The following STXBP5 variants were observed in gnomAD, a reference collection of about 807,000 sequenced individuals.
The protein encoded by STXBP5 is syntaxin binding protein 5.
STXBP5 carries 50 observed loss-of-function variants against 152.4 expected under a neutral mutation model. The observed-to-expected ratio is 0.33, with a 90% CI of 0.26 to 0.42. The LOEUF (loss-of-function observed/expected upper bound fraction) is 0.42. STXBP5 is among the 10% of genes least tolerant of loss of function. The probability of loss-of-function intolerance (pLI) is 1.00; values close to 1 mark genes in which losing one functional copy is unlikely to be tolerated. For synonymous variants in STXBP5, 492 were observed against 494.7 expected (o/e 0.99, Z 0.07); for missense variants, 1,167 against 1,388.6 (o/e 0.84, Z 2.54).
At chr6:147,354,101 C>T (rs150195513) in intron 22 of STXBP5, among the ~76,000 whole-genome samples, 109 of 152,204 alleles carry the variant, frequency 7.2e-4, no homozygotes, top group African/African-American at 2.5e-3. Flanking sequence ...GATGATTTCA[C>T]CCACCTCTAT....
At chr6:147,272,811 A>G (rs186943868) in intron 7 of STXBP5, among the ~76,000 whole-genome samples, 59 of 152,314 alleles carry the variant, frequency 3.9e-4, no homozygotes, top group African/African-American at 1.2e-3. Context: ...TCAGATGGGT[A>G]GGAGTAATGG....
intron 2 of STXBP5, among the ~76,000 whole-genome samples, chr6:147,232,486 C>T (rs1015548141): frequency 6.6e-6 from 1 of 151,732 alleles, no homozygotes; most frequent in African/African-American, 2.4e-5. Context: ...TAATAACTTA[C>T]GAGTTTTTCT....
chr6:147,240,347 T>G (rs1437646828), intron 4 of STXBP5, among the ~76,000 whole-genome samples: 3 of 152,174 alleles, frequency 2.0e-5, no homozygotes, highest in Non-Finnish European at 4.4e-5. Flanking sequence ...CCCTCAATAG[T>G]TTTGAGAGAC....
chr6:147,339,828 G>A (rs893151035), intron 21 of STXBP5, among the ~76,000 whole-genome samples: 1 of 151,794 alleles, frequency 6.6e-6, no homozygotes, highest in Admixed American at 6.6e-5. Context: ...AATCTGTACC[G>A]CCTTTGGCAA....
chr6:147,217,650 A>T (rs1282098655), intron 2 of STXBP5, among the ~76,000 whole-genome samples: 3 of 152,200 alleles, frequency 2.0e-5, no homozygotes, highest in Non-Finnish European at 4.4e-5. Context: ...CTTACTAAAA[A>T]TAATAGTGGA....
In STXBP5 at chr6:147,355,865, A is replaced by G. The variant is rs531176601; in HGVS notation, c.2305+2492A>G. Among the ~76,000 whole-genome samples, 7 of 152,282 alleles carry G rather than the reference A, an allele frequency of 4.6e-5. No homozygotes were observed. In the East Asian group the frequency reaches 1.3e-3, roughly 29 times the overall value. On this transcript the variant is annotated intron_variant, in intron 22 of 27. Transcript: ENST00000321680. Reference sequence around the variant, plus strand: ...AATTAAACTTTTATTCCATTTATTTACTTTGCCAAACTTGTATAAATAAGC... The same window carrying G: ...AATTAAACTTTTATTCCATTTATTTGCTTTGCCAAACTTGTATAAATAAGC...
chr6:147,373,911 A>G, intron 26 of STXBP5, 69 bp downstream of exon 26: 2 of 1,015,096 alleles, frequency 2.0e-6, no homozygotes, highest in Non-Finnish European at 3.0e-6. Flanking sequence ...AAATTTTTTT[A>G]TACGTGTAAA....
At chr6:147,302,231 C>A (rs1245100193) in intron 9 of STXBP5, among the ~76,000 whole-genome samples, 2 of 141,574 alleles carry the variant, frequency 1.4e-5, no homozygotes, top group East Asian at 2.0e-4. Flanking sequence ...CAGTTCCGAA[C>A]CCTTTAGAGT....
intron 26 of STXBP5, 147 bp from the exon 27 acceptor site, chr6:147,382,631 A>C: frequency 1.3e-6 from 1 of 770,980 alleles, no homozygotes; most frequent in Non-Finnish European, 2.1e-6. Context: ...TAACAAAAGA[A>C]AGCATGTATT....
chr6:147,213,954 C>G (rs990169817), intron 2 of STXBP5, among the ~76,000 whole-genome samples: 1 of 152,068 alleles, frequency 6.6e-6, no homozygotes, highest in Admixed American at 6.6e-5. Context: ...AAAGTGATTA[C>G]TGACATGATT....
intron 21 of STXBP5, among the ~76,000 whole-genome samples, chr6:147,342,726 TG>T (rs1784148873): frequency 6.6e-6 from 1 of 152,290 alleles, no homozygotes; most frequent in African/African-American, 2.4e-5. Context: ...CAAAGCTTTT[TG>T]TTATTTTTAA....
At chr6:147,362,945 C>G (rs533179583) in intron 23 of STXBP5, among the ~76,000 whole-genome samples, 6 of 152,168 alleles carry the variant, frequency 3.9e-5, no homozygotes, top group Non-Finnish European at 8.8e-5. Context: ...CACATGTGGC[C>G]CCACACTGAC....
intron 19 of STXBP5, among the ~76,000 whole-genome samples, chr6:147,336,425 T>G (rs1171380919): frequency 1.3e-5 from 2 of 152,004 alleles, no homozygotes; most frequent in African/African-American, 2.4e-5. Context: ...CCTGTTAACA[T>G]TCTAATAGGA....
At chr6:147,368,909 T>C (rs1412095184) in intron 25 of STXBP5, among the ~76,000 whole-genome samples, 1 of 151,806 alleles carries the variant, frequency 6.6e-6, no homozygotes, top group Non-Finnish European at 1.5e-5. Context: ...ATCTCTACAC[T>C]GAAAAACTAT....
intron 25 of STXBP5, 36 bp downstream of exon 25, chr6:147,364,202 GGTAAA>G (rs1382849059): frequency 1.3e-6 from 2 of 1,582,960 alleles, no homozygotes; most frequent in Non-Finnish European, 1.7e-6. Context: ...TTTCTTCAGA[GGTAAA>G]GTATTCTCTG....
chr6:147,363,629 G>A lies in STXBP5; in HGVS notation c.2840G>A (p.Arg947His), dbSNP rs200165087. 1.5e-4 allele frequency: 246 copies of A among 1,614,116 alleles called. No individual in the cohort carries two copies. Among genetic ancestry groups the A allele is most frequent in the Non-Finnish European group, 2.0e-4 (239 of 1,180,018 alleles). Residue 947 changes from arginine (R) to histidine (H), a missense_variant, in exon 24 of 28, where the codon CGT (arginine) becomes CAT (histidine). Around this residue, in one of 3 missense-constraint regions of STXBP5, gnomAD observed 833 missense variants for 986.3 expected, o/e 0.84. Transcript: ENST00000321680. ...QNITETSFVL[R>H]GDIVALSNSI... is the part of the protein sequence containing the mutation. The stretch of plus-strand genomic sequence containing the variant: ...ATTACAGAGACCTCGTTTGTGCTTC[G>A]TGGAGATATTGTAGCATTGAGTAAC...
rs758660071 is a variant in STXBP5, at chr6:147,206,082, A to C, written c.248+14A>C. 3 of 1,606,486 alleles carry C rather than the reference A, an allele frequency of 1.9e-6. No individual in the cohort carries two copies. Among genetic ancestry groups the C allele is most frequent in the African/African-American group, 2.7e-5 (2 of 74,630 alleles). ...TGCTTTAAGGCTGTATCCTTTCTTTAATTTTATTTTTTAACTTCTACTTTG... is the reference window on the plus strand; with the variant it reads ...TGCTTTAAGGCTGTATCCTTTCTTTCATTTTATTTTTTAACTTCTACTTTG... On this transcript the variant is annotated intron_variant, in intron 2 of 27. Coordinates refer to ENST00000321680, the MANE Select transcript of STXBP5 (RefSeq NM_001127715.4).
intron 7 of STXBP5, among the ~76,000 whole-genome samples, chr6:147,276,424 A>G (rs1188031483): frequency 6.6e-6 from 1 of 152,084 alleles, no homozygotes; most frequent in South Asian, 2.1e-4. Flanking sequence ...ATTTAATAAT[A>G]TTTTATAAAT....
chr6:147,303,243 G>A (rs1371624320), intron 9 of STXBP5, among the ~76,000 whole-genome samples: 1 of 152,066 alleles, frequency 6.6e-6, no homozygotes, highest in African/African-American at 2.4e-5. Flanking sequence ...GGAGGGATTT[G>A]GTGGGAGGTA....
Sources: allele counts gnomAD v4.1 joint callset (sites outside exome capture counted in the v4.1 genomes callset), GRCh38; gene constraint gnomAD v4.1.1; regional missense constraint gnomAD v4.1.1; transcripts MANE v1.5; gene names NCBI Gene and HGNC (gene_info 2026-07-23, HGNC 2026-07-21).